The following MCOLN2 variants were observed in gnomAD, a reference collection of about 807,000 sequenced individuals.
The protein encoded by MCOLN2 is mucolipin TRP cation channel 2.
In MCOLN2, 57 loss-of-function variants were observed where a neutral mutation model predicts 67.5. That is an observed-to-expected ratio of 0.84 (90% CI 0.68 to 1.05). The LOEUF (loss-of-function observed/expected upper bound fraction) is 1.05, where lower values mean the gene tolerates loss of function less well. Ranked by LOEUF, MCOLN2 falls within the 50% of genes least tolerant of loss-of-function variation. The pLI, the probability that MCOLN2 is intolerant of heterozygous loss-of-function variation, is 0.00. For missense variants in MCOLN2, 620 were observed against 678.8 expected (o/e 0.91, Z 0.96); for synonymous variants, 246 against 233.3 (o/e 1.05, Z -0.50).
intron 4 of MCOLN2, 50 bp from the exon 5 acceptor site, chr1:84,952,580 G>GCAC: frequency 8.5e-7 from 1 of 1,181,696 alleles, no homozygotes; most frequent in Non-Finnish European, 1.3e-6. Flanking sequence ...AGAATTAGGT[G>GCAC]CTAAAACTAA....
intron 1 of MCOLN2, among the ~76,000 whole-genome samples, chr1:84,992,364 A>G (rs529164643): frequency 2.0e-4 from 30 of 152,224 alleles, no homozygotes; most frequent in Non-Finnish European, 4.0e-4. Flanking sequence ...AGGAATATGG[A>G]CAACATTCGC....
At chr1:84,937,702 G>A (rs1245360840) in intron 11 of MCOLN2, 53 bp downstream of exon 11, 12 of 1,603,784 alleles carry the variant, frequency 7.5e-6, no homozygotes, top group Middle Eastern at 1.7e-4. Context: ...AGAAACCCAC[G>A]TTCAAGGGTC....
chr1:84,946,952 A>G, intron 7 of MCOLN2, 81 bp downstream of exon 7: 1 of 707,694 alleles, frequency 1.4e-6, no homozygotes, highest in Admixed American at 2.2e-5. Context: ...ATGCAAACAA[A>G]CCATTTAAAT....
intron 7 of MCOLN2, among the ~76,000 whole-genome samples, chr1:84,942,334 T>C (rs1191135738): frequency 6.6e-6 from 1 of 152,170 alleles, no homozygotes; most frequent in African/African-American, 2.4e-5. Flanking sequence ...GGAAAGAACA[T>C]GGTCTCTGGA....
chr1:84,931,785 G>A (rs1307119802), intron 11 of MCOLN2, among the ~76,000 whole-genome samples: 2 of 152,096 alleles, frequency 1.3e-5, no homozygotes, highest in African/African-American at 2.4e-5. Context: ...CAGCACTTTG[G>A]GAGGCCAAGG....
At chr1:84,948,688 G>C (rs1382741383) in intron 6 of MCOLN2, among the ~76,000 whole-genome samples, 1 of 152,080 alleles carries the variant, frequency 6.6e-6, no homozygotes, top group Non-Finnish European at 1.5e-5. Context: ...ATGAAACCAG[G>C]AACATAATTT....
intron 2 of MCOLN2, among the ~76,000 whole-genome samples, chr1:84,963,199 C>A (rs1007874284): frequency 1.3e-5 from 2 of 152,152 alleles, no homozygotes; most frequent in Non-Finnish European, 2.9e-5. Flanking sequence ...ATTGAACCTA[C>A]CTCACAGGAT....
At chr1:84,961,905 A>C (rs1649105945) in intron 2 of MCOLN2, among the ~76,000 whole-genome samples, 1 of 152,204 alleles carries the variant, frequency 6.6e-6, no homozygotes, top group Non-Finnish European at 1.5e-5. Context: ...AAAGAGTAGA[A>C]CTAGCAAAAG....
intron 1 of MCOLN2, 128 bp downstream of exon 1, chr1:84,996,668 A>T: frequency 1.3e-6 from 1 of 767,296 alleles, no homozygotes; most frequent in Non-Finnish European, 2.2e-6. Flanking sequence ...TTATTTAACT[A>T]ACTGCAAGCA....
rs61734232 is a variant in MCOLN2, at chr1:84,939,560, T to A, written c.1103A>T (p.Lys368Ile). ...IIGSILKMEI[K>I]AKNLTNYDLC... ...TAAATGGGCTTCCCTCACCTTTGCT[T>A]TGATTTCCATTTTTAATATGGAGCC... The change falls in exon 9 of 14, where the codon AAA (lysine) becomes ATA (isoleucine). Residue 368 changes from lysine (K) to isoleucine (I), a missense_variant. By Grantham distance (102) the Lys-to-Ile change is moderately radical (BLOSUM62 -3). Transcript: ENST00000370608. The A allele has an allele frequency of 1.4e-3, 2,209 of 1,613,924 alleles. 19 individuals are homozygous for A. In the African/African-American group the frequency reaches 0.022, roughly 16 times the overall value.
At chr1:84,962,765 T>C (rs1649158986) in intron 2 of MCOLN2, among the ~76,000 whole-genome samples, 1 of 152,088 alleles carries the variant, frequency 6.6e-6, no homozygotes, top group South Asian at 2.1e-4. Context: ...TAGGAAATAG[T>C]AGATGAAAAC....
At chr1:84,941,382 A>G (rs1335769302) in intron 7 of MCOLN2, among the ~76,000 whole-genome samples, 1 of 152,206 alleles carries the variant, frequency 6.6e-6, no homozygotes, top group African/African-American at 2.4e-5. Flanking sequence ...CTGTAGTCCC[A>G]GCTACTTGGG....
At chr1:84,962,189 G>A (rs1421971634) in intron 2 of MCOLN2, among the ~76,000 whole-genome samples, 2 of 152,150 alleles carry the variant, frequency 1.3e-5, no homozygotes, top group East Asian at 3.8e-4. Context: ...TTTTATTAGG[G>A]GAAACAGGGT....
At chr1:84,987,497 TACATAGATGTATAC>T (rs1650615575) in intron 1 of MCOLN2, among the ~76,000 whole-genome samples, 1 of 40,646 alleles carries the variant, frequency 2.5e-5, no homozygotes, top group Non-Finnish European at 5.8e-5. Flanking sequence ...TACATATGTA[TACATAGATGTATAC>T]ATATGTATAT....
At chr1:84,993,692 G>A (rs966854023) in intron 1 of MCOLN2, among the ~76,000 whole-genome samples, 8 of 146,482 alleles carry the variant, frequency 5.5e-5, no homozygotes, top group Non-Finnish European at 7.5e-5. Flanking sequence ...CTGCAGTGGC[G>A]CAATCTCGGC....
At chr1:84,946,962 T>C (rs1648144301) in intron 7 of MCOLN2, 71 bp downstream of exon 7, 1 of 753,626 alleles carries the variant, frequency 1.3e-6, no homozygotes, top group African/African-American at 1.7e-5. Context: ...ACCATTTAAA[T>C]ACCCCAAGCC....
chr1:84,953,943 G>T (rs777200603), intron 4 of MCOLN2, among the ~76,000 whole-genome samples: 3 of 152,136 alleles, frequency 2.0e-5, no homozygotes, highest in Non-Finnish European at 4.4e-5. Context: ...GGAAAAGTTG[G>T]GGCCTTGTGC....
chr1:84,978,670 C>T (rs1010916114), intron 1 of MCOLN2, among the ~76,000 whole-genome samples: 4 of 151,972 alleles, frequency 2.6e-5, no homozygotes, highest in Non-Finnish European at 4.4e-5. Context: ...CCTGAATAGA[C>T]CAATAACAAG....
At chr1:84,938,163 T>C in intron 9 of MCOLN2, 81 bp from the exon 10 acceptor site, 2 of 956,180 alleles carry the variant, frequency 2.1e-6, no homozygotes, top group Non-Finnish European at 3.1e-6. Flanking sequence ...ATTAAACCAA[T>C]TAATAAAAAA....
Sources: allele counts gnomAD v4.1 joint callset (sites outside exome capture counted in the v4.1 genomes callset), GRCh38; gene constraint gnomAD v4.1.1; transcripts MANE v1.5; gene names NCBI Gene and HGNC (gene_info 2026-07-23, HGNC 2026-07-21).